The following PRR16 variants were observed in gnomAD, a reference collection of about 807,000 sequenced individuals.
The protein encoded by PRR16 is proline rich 16.
PRR16 carries 6 observed loss-of-function variants against 18.2 expected under a neutral mutation model. That is an observed-to-expected ratio of 0.33 (90% CI 0.18 to 0.65). PRR16 has a LOEUF of 0.65. PRR16 is among the 30% of genes least tolerant of loss of function. The pLI is 0.74. For synonymous variants in PRR16, 151 were observed against 147.8 expected (o/e 1.02, Z -0.16); for missense variants, 412 against 376.6 (o/e 1.09, Z -0.78).
chr5:120,531,902 A>T (rs575088490), intron 1 of PRR16, among the ~76,000 whole-genome samples: 4 of 152,320 alleles, frequency 2.6e-5, no homozygotes, highest in African/African-American at 9.6e-5. Context: ...ACAGTGATAC[A>T]AGTGTTGTTA....
chr5:120,636,077 G>A (rs1349791044), intron 1 of PRR16, among the ~76,000 whole-genome samples: 1 of 152,066 alleles, frequency 6.6e-6, no homozygotes, highest in Non-Finnish European at 1.5e-5. Flanking sequence ...CCTAGGATGT[G>A]AAAGACTTCT....
At chr5:120,524,934 G>T (rs139300783) in intron 1 of PRR16, among the ~76,000 whole-genome samples, 215 of 152,144 alleles carry the variant, frequency 1.4e-3, no homozygotes, top group African/African-American at 5.0e-3. Context: ...TATTAGAAGA[G>T]TATCTTAAAA....
intron 1 of PRR16, among the ~76,000 whole-genome samples, chr5:120,572,607 T>C (rs941682211): frequency 6.6e-6 from 1 of 152,054 alleles, no homozygotes; most frequent in Non-Finnish European, 1.5e-5. Flanking sequence ...TATTTGTGTA[T>C]AGATTGTATT....
intron 1 of PRR16, among the ~76,000 whole-genome samples, chr5:120,610,611 G>A (rs867856582): frequency 1.3e-5 from 2 of 151,952 alleles, no homozygotes; most frequent in African/African-American, 4.8e-5. Context: ...TTTATCAGGG[G>A]TTTCTGCTTT....
chr5:120,700,240 G>T, the PRR16 span, among the ~76,000 whole-genome samples: 4 of 152,262 alleles, frequency 2.6e-5, no homozygotes, highest in East Asian at 7.7e-4. Context: ...TGGGGGCATT[G>T]TCAGGAGAGT....
At chr5:120,700,956 A>T in the PRR16 span, among the ~76,000 whole-genome samples, 2 of 152,146 alleles carry the variant, frequency 1.3e-5, no homozygotes, top group Non-Finnish European at 2.9e-5. Context: ...TGAACAGTCC[A>T]ATTTTCAGTG....
chr5:120,693,710 ATG>A, the PRR16 span, among the ~76,000 whole-genome samples: 5 of 152,234 alleles, frequency 3.3e-5, no homozygotes, highest in Admixed American at 6.5e-5. Context: ...TGTTATTTGC[ATG>A]GGATAAAAGC....
intron 1 of PRR16, among the ~76,000 whole-genome samples, chr5:120,639,813 C>A (rs1423279614): frequency 1.3e-5 from 2 of 151,538 alleles, no homozygotes; most frequent in Non-Finnish European, 2.9e-5. Context: ...GAAAATAAAT[C>A]ATTTTACCAA....
chr5:120,735,700 T>C, the PRR16 span, among the ~76,000 whole-genome samples: 1 of 152,062 alleles, frequency 6.6e-6, no homozygotes, highest in Non-Finnish European at 1.5e-5. Flanking sequence ...TTATAGTTCT[T>C]GATATATTCT....
At chr5:120,513,503 C>A (rs1250280324) in intron 1 of PRR16, among the ~76,000 whole-genome samples, 4 of 152,134 alleles carry the variant, frequency 2.6e-5, no homozygotes, top group Non-Finnish European at 5.9e-5. Flanking sequence ...TTCATACTCT[C>A]AAGACTCATG....
chr5:120,492,270 G>A (rs952546410), intron 1 of PRR16, among the ~76,000 whole-genome samples: 21 of 149,986 alleles, frequency 1.4e-4, no homozygotes, highest in African/African-American at 4.9e-4. Flanking sequence ...GTGTGTGTGT[G>A]TGTGTGTGTG....
At chr5:120,530,146 A>G (rs1751495701) in intron 1 of PRR16, among the ~76,000 whole-genome samples, 1 of 148,386 alleles carries the variant, frequency 6.7e-6, no homozygotes, top group African/African-American at 2.5e-5. Context: ...AATATGCTAC[A>G]GACATATATA....
chr5:120,481,270 G>A (rs780622675), intron 1 of PRR16: 1 of 459,116 alleles, frequency 2.2e-6, no homozygotes, highest in South Asian at 1.6e-5. Flanking sequence ...GCCTCAGCCT[G>A]CCTCAGTGCG....
At chr5:120,577,665 G>A (rs1307910216) in intron 1 of PRR16, among the ~76,000 whole-genome samples, 1 of 152,132 alleles carries the variant, frequency 6.6e-6, no homozygotes, top group Non-Finnish European at 1.5e-5. Context: ...CTATTAACAA[G>A]ACTGTATTTC....
chr5:120,491,521 GTCTCTCTTTTTCTCTCTT>G (rs1750047773), intron 1 of PRR16, among the ~76,000 whole-genome samples: 1 of 130,050 alleles, frequency 7.7e-6, no homozygotes, highest in South Asian at 2.4e-4. Flanking sequence ...CTGTCTTTCT[GTCTCTCTTTTTCTCTCTT>G]TCTCTCTTTT....
intron 1 of PRR16, among the ~76,000 whole-genome samples, chr5:120,613,529 GA>G (rs1210661937): frequency 6.6e-6 from 1 of 151,732 alleles, no homozygotes; most frequent in African/African-American, 2.4e-5. Flanking sequence ...TTCCATTTGG[GA>G]AAAAATAGAA....
chr5:120,759,782 G>A, the PRR16 span, among the ~76,000 whole-genome samples: 1 of 152,144 alleles, frequency 6.6e-6, no homozygotes, highest in African/African-American at 2.4e-5. Context: ...TGTAAAAGGT[G>A]CTGACCTAAG....
At chr5:120,534,542 T>A (rs922861448) in intron 1 of PRR16, among the ~76,000 whole-genome samples, 3 of 152,186 alleles carry the variant, frequency 2.0e-5, no homozygotes, top group African/African-American at 7.2e-5. Context: ...GGAATGTATC[T>A]TTTTTGTATA....
chr5:120,721,594 G>T, the PRR16 span, among the ~76,000 whole-genome samples: 1 of 152,028 alleles, frequency 6.6e-6, no homozygotes, highest in African/African-American at 2.4e-5. Context: ...GAACAGGGAG[G>T]TCAGTGTGCC....
Sources: gnomAD v4.1 joint callset for allele counts (sites outside exome capture counted in the v4.1 genomes callset) on GRCh38, gnomAD v4.1.1 for gene constraint, MANE v1.5 for transcripts, NCBI Gene and HGNC (gene_info 2026-07-23, HGNC 2026-07-21) for gene names.